Variants in ARHGAP22 observed in about 807,000 individuals in gnomAD.
ARHGAP22 encodes rho GTPase-activating protein 22.
ARHGAP22 carries 48 observed loss-of-function variants against 59.1 expected under a neutral mutation model. That is an observed-to-expected ratio of 0.81 (90% CI 0.64 to 1.03). The LOEUF is 1.03. ARHGAP22 is among the 50% of genes least tolerant of loss of function. The pLI, the probability that ARHGAP22 is intolerant of heterozygous loss-of-function variation, is 0.00. For synonymous variants in ARHGAP22, 445 were observed against 416.4 expected (o/e 1.07, Z -0.84); for missense variants, 1,015 against 958.7 (o/e 1.06, Z -0.78).
At chr10:48,438,235 T>G in the ARHGAP22 span, 4 of 152,244 alleles carry the variant, frequency 2.6e-5, no homozygotes, top group African/African-American at 9.6e-5. Flanking sequence ...ATTCTGTCAT[T>G]AGCAGCCCTC....
At chr10:48,609,059 A>G (rs1407283038), upstream of ARHGAP22, among the ~76,000 whole-genome samples, 2 of 152,206 alleles carry the variant, frequency 1.3e-5, no homozygotes, top group Admixed American at 6.5e-5. Flanking sequence ...TATTTACACC[A>G]AGAAAACTAG....
intron 4 of ARHGAP22, among the ~76,000 whole-genome samples, chr10:48,478,822 C>T (rs1057280157): frequency 1.3e-5 from 2 of 152,172 alleles, no homozygotes; most frequent in African/African-American, 4.8e-5. Flanking sequence ...GGCCACTTTG[C>T]ACCATCAGCT....
chr10:48,451,418 G>C (rs1187126402), intron 8 of ARHGAP22: 1 of 704,720 alleles, frequency 1.4e-6, no homozygotes. Flanking sequence ...CAGCTGGGGT[G>C]GGGTGAGGAA....
At chr10:48,640,007 A>T (rs968366285) in intron 1 of ARHGAP22, among the ~76,000 whole-genome samples, 5 of 152,246 alleles carry the variant, frequency 3.3e-5, no homozygotes, top group Admixed American at 2.0e-4. Context: ...ATAAATAGAG[A>T]ATTTCAATGA....
intron 1 of ARHGAP22, among the ~76,000 whole-genome samples, chr10:48,602,964 A>C (rs1284455643): frequency 6.6e-6 from 1 of 152,222 alleles, no homozygotes; most frequent in East Asian, 1.9e-4. Context: ...GCATGTGCAC[A>C]CACATACAGG....
At chr10:48,599,851 G>A (rs1269239893) in intron 1 of ARHGAP22, among the ~76,000 whole-genome samples, 1 of 152,188 alleles carries the variant, frequency 6.6e-6, no homozygotes, top group Non-Finnish European at 1.5e-5. Flanking sequence ...ATGGCATTGT[G>A]CGTACCTGCC....
At chr10:48,482,647 G>A (rs1446013648) in intron 3 of ARHGAP22, among the ~76,000 whole-genome samples, 1 of 151,854 alleles carries the variant, frequency 6.6e-6, no homozygotes. Flanking sequence ...TTGCTGAGAG[G>A]TTTTTTTTAT....
chr10:48,597,323 A>G (rs10776628), intron 1 of ARHGAP22, among the ~76,000 whole-genome samples: 143,349 of 152,038 alleles, frequency 0.94, 67,900 homozygotes, highest in Non-Finnish European at 1. Flanking sequence ...CTGTTTCCAC[A>G]CATGAAAAGC....
chr10:48,651,945 A>G (rs2062583079), intron 1 of ARHGAP22, among the ~76,000 whole-genome samples: 1 of 152,170 alleles, frequency 6.6e-6, no homozygotes, highest in Non-Finnish European at 1.5e-5. Flanking sequence ...GTCCTTGGAC[A>G]TAGGAGTCCT....
intron 1 of ARHGAP22, among the ~76,000 whole-genome samples, chr10:48,650,298 T>C (rs1415928552): frequency 6.6e-6 from 1 of 152,154 alleles, no homozygotes; most frequent in Admixed American, 6.5e-5. Flanking sequence ...GGAAAAATTA[T>C]GCTAAGTGAA....
At chr10:48,559,891 A>G (rs939187514) in intron 2 of ARHGAP22, among the ~76,000 whole-genome samples, 2 of 152,210 alleles carry the variant, frequency 1.3e-5, no homozygotes, top group African/African-American at 4.8e-5. Flanking sequence ...TATCAGATTT[A>G]CATTGCAAGT....
chr10:48,539,741 T>C (rs558838949), intron 3 of ARHGAP22, among the ~76,000 whole-genome samples: 4 of 152,352 alleles, frequency 2.6e-5, no homozygotes, highest in African/African-American at 9.6e-5. Flanking sequence ...ATAATCAGTG[T>C]TGGTATTTTA....
chr10:48,432,357 T>A, the ARHGAP22 span, among the ~76,000 whole-genome samples: 1 of 152,172 alleles, frequency 6.6e-6, no homozygotes, highest in African/African-American at 2.4e-5. Context: ...TGCTTTGACA[T>A]TTTTGGTTAT....
At chr10:48,597,484 A>AAAGG (rs2060137199) in intron 1 of ARHGAP22, among the ~76,000 whole-genome samples, 2 of 152,148 alleles carry the variant, frequency 1.3e-5, no homozygotes, top group African/African-American at 4.8e-5. Context: ...GAGGCCCTTT[A>AAAGG]GCCTCTTAGA....
At chr10:48,637,740 G>C (rs2061881063) in intron 1 of ARHGAP22, among the ~76,000 whole-genome samples, 1 of 152,218 alleles carries the variant, frequency 6.6e-6, no homozygotes, top group East Asian at 1.9e-4. Flanking sequence ...AGTGAGACGG[G>C]ATGAAAAGAA....
chr10:48,632,563 T>C (rs2061665028), intron 1 of ARHGAP22, among the ~76,000 whole-genome samples: 1 of 152,206 alleles, frequency 6.6e-6, no homozygotes, highest in Admixed American at 6.5e-5. Flanking sequence ...CTGTCTTTTG[T>C]TTTCTGCATT....
At chr10:48,654,086 A>G (rs769718420), upstream of ARHGAP22, among the ~76,000 whole-genome samples, 3 of 152,230 alleles carry the variant, frequency 2.0e-5, no homozygotes, top group Non-Finnish European at 4.4e-5. Flanking sequence ...ACAATAAGAA[A>G]GTCAGTTAAA....
intron 1 of ARHGAP22, among the ~76,000 whole-genome samples, chr10:48,591,473 T>A (rs900553629): frequency 1.3e-5 from 2 of 152,076 alleles, no homozygotes; most frequent in African/African-American, 4.8e-5. Flanking sequence ...GAAATACTAA[T>A]AACTACCAGC....
the ARHGAP22 span, among the ~76,000 whole-genome samples, chr10:48,433,909 A>G: frequency 1.3e-5 from 2 of 152,310 alleles, 1 homozygote; most frequent in South Asian, 4.1e-4. Flanking sequence ...TTTATTTCAT[A>G]AATGTATTCT....
Sources: allele counts gnomAD v4.1 joint callset (sites outside exome capture counted in the v4.1 genomes callset), GRCh38; gene constraint gnomAD v4.1.1; transcripts MANE v1.5; gene names NCBI Gene and HGNC (gene_info 2026-07-23, HGNC 2026-07-21).